The following CYSLTR1 variants were observed in gnomAD, a reference collection of about 807,000 sequenced individuals.
CYSLTR1 encodes the protein cysteinyl leukotriene receptor 1.
Under a neutral mutation model 2.1 loss-of-function variants are expected in CYSLTR1, and 1 was observed. That is an observed-to-expected ratio of 0.48 (90% confidence interval 0.17 to 2.28). The LOEUF (loss-of-function observed/expected upper bound fraction) is 2.28, where lower values mean the gene tolerates loss of function less well. Among genes scored for constraint, CYSLTR1 ranks in the 30% most tolerant of loss-of-function variants. CYSLTR1 has a pLI of 0.26. For missense variants in CYSLTR1, 299 were observed against 250.1 expected, an observed-to-expected ratio of 1.20 and a Z score of -1.32; for synonymous variants, 110 against 89.6, an observed-to-expected ratio of 1.23 and a Z score of -1.28.
At chrX:78,291,328 G>A (rs930149663) in intron 1 of CYSLTR1, among the ~76,000 whole-genome samples, 1 of 111,876 alleles carries the variant, frequency 8.9e-6, no homozygotes, top group African/African-American at 3.2e-5. Flanking sequence ...TGGTGGATAA[G>A]CTTTTTGATG....
At chrX:78,284,487 G>A (rs771724271) in intron 1 of CYSLTR1, among the ~76,000 whole-genome samples, 1 of 111,156 alleles carries the variant, frequency 9.0e-6, no homozygotes, top group Non-Finnish European at 1.9e-5. Context: ...TCTGACCTCC[G>A]CCTCCCGGGT....
intron 1 of CYSLTR1, among the ~76,000 whole-genome samples, chrX:78,294,999 C>T (rs1329048642): frequency 8.9e-6 from 1 of 112,217 alleles, no homozygotes; most frequent in African/African-American, 3.2e-5. Context: ...CACTGTCCAA[C>T]AAGTCCCAAT....
chrX:78,274,111 T>G (rs1419264254), intron 2 of CYSLTR1, among the ~76,000 whole-genome samples: 1 of 111,760 alleles, frequency 8.9e-6, no homozygotes, highest in Non-Finnish European at 1.9e-5. Flanking sequence ...AACTTGTTTT[T>G]CTATTAGAGA....
chrX:78,319,241 T>C (rs774679561), intron 1 of CYSLTR1: 3 of 104,907 alleles, frequency 2.9e-5, no homozygotes, highest in Admixed American at 1.0e-4. Context: ...ATTAGGTATA[T>C]CTCTTAATGC....
At chrX:78,284,621 G>A (rs1389263967) in intron 1 of CYSLTR1, among the ~76,000 whole-genome samples, 1 of 109,309 alleles carries the variant, frequency 9.1e-6, no homozygotes, top group African/African-American at 3.3e-5. Context: ...GGCTGGTCTC[G>A]AACTCCCCGA....
rs923254830 is a variant in CYSLTR1, at chrX:78,272,395, A to G, written c.*338T>C. ...TAGCTTGCATGTATTTTTATTGACT[A>G]ATTTTATATATTTTATCGTTTGTAA... On this transcript the variant is annotated 3_prime_UTR_variant, in exon 3 of 3. Coordinates refer to ENST00000373304, the MANE Select transcript of CYSLTR1 (RefSeq NM_006639.4). 1.5e-5 allele frequency: 2 copies of G among 131,253 alleles called. No individual in the cohort carries two copies. The highest frequency in any genetic ancestry group is 6.3e-5 in the African/African-American group (2 of 31,696). The allele number at this position is 131,253 out of a possible 1,213,427, so 10.8% of individuals were successfully genotyped here.
intron 1 of CYSLTR1, among the ~76,000 whole-genome samples, chrX:78,291,913 A>T (rs1184053134): frequency 9.1e-6 from 1 of 109,863 alleles, no homozygotes; most frequent in Admixed American, 9.7e-5. Flanking sequence ...TCAAAAAAAA[A>T]AACAGCTCCT....
chrX:78,285,487 G>T (rs1327510721), intron 1 of CYSLTR1, among the ~76,000 whole-genome samples: 1 of 110,288 alleles, frequency 9.1e-6, no homozygotes, highest in Non-Finnish European at 1.9e-5. Context: ...CATCTGTGCA[G>T]AAAATTAACT....
chrX:78,296,630 G>T (rs1399436613), intron 1 of CYSLTR1, among the ~76,000 whole-genome samples: 4 of 110,697 alleles, frequency 3.6e-5, no homozygotes, highest in Non-Finnish European at 7.6e-5. Context: ...TTAATTCCTA[G>T]GTATTTAATT....
chrX:78,316,296 G>T (rs982625265), intron 1 of CYSLTR1, among the ~76,000 whole-genome samples: 1 of 112,070 alleles, frequency 8.9e-6, no homozygotes, highest in Non-Finnish European at 1.9e-5. Flanking sequence ...GGTGTAAGAA[G>T]TTTCCAACTG....
chrX:78,292,923 T>C (rs1922415635), intron 1 of CYSLTR1, among the ~76,000 whole-genome samples: 2 of 110,730 alleles, frequency 1.8e-5, no homozygotes, highest in Admixed American at 1.9e-4. Context: ...GTCTTGACTG[T>C]TTATCCAATT....
At chrX:78,288,850 C>G (rs1176565901) in intron 1 of CYSLTR1, among the ~76,000 whole-genome samples, 2 of 111,457 alleles carry the variant, frequency 1.8e-5, no homozygotes, top group Non-Finnish European at 3.8e-5. Context: ...CCATCCCCAC[C>G]TCCTCTCACT....
chrX:78,301,576 A>G (rs1272381434), intron 1 of CYSLTR1, among the ~76,000 whole-genome samples: 5 of 111,905 alleles, frequency 4.5e-5, no homozygotes, highest in African/African-American at 6.5e-5. Flanking sequence ...ATCTGAGACC[A>G]CCTCAGCTTG....
chrX:78,303,145 C>T (rs1344417843), intron 1 of CYSLTR1, among the ~76,000 whole-genome samples: 2 of 111,623 alleles, frequency 1.8e-5, no homozygotes, highest in Non-Finnish European at 3.8e-5. Context: ...GTTTAAATGC[C>T]CCCTCCATGG....
At chrX:78,321,058 C>G (rs1425045775) in intron 1 of CYSLTR1, 3 of 109,723 alleles carry the variant, frequency 2.7e-5, no homozygotes, top group Non-Finnish European at 5.7e-5. Flanking sequence ...TGAAGAGTAA[C>G]TTTGTGGTCT....
intron 2 of CYSLTR1, among the ~76,000 whole-genome samples, chrX:78,275,434 G>A (rs776820270): frequency 2.0e-4 from 22 of 111,181 alleles, no homozygotes; most frequent in Non-Finnish European, 3.4e-4. Flanking sequence ...TTGTAGGGAC[G>A]TGGATGAAAC....
chrX:78,285,057 A>G (rs1922002309), intron 1 of CYSLTR1, among the ~76,000 whole-genome samples: 1 of 109,300 alleles, frequency 9.1e-6, no homozygotes, highest in Admixed American at 9.8e-5. Context: ...CAGGCAATAA[A>G]CATATTTTTT....
intron 1 of CYSLTR1, among the ~76,000 whole-genome samples, chrX:78,310,798 C>T (rs1923187992): frequency 9.0e-6 from 1 of 110,641 alleles, no homozygotes; most frequent in Non-Finnish European, 1.9e-5. Flanking sequence ...AGTAGCCTGG[C>T]ATATTTAAGG....
In CYSLTR1 at chrX:78,272,885, AATTGGATGCAGCC is replaced by A. The variant is rs1316140443; in HGVS notation, c.849_861del (p.Ala284ValfsTer30). On this transcript the variant is annotated frameshift_variant, in exon 3 of 3. Transcript: ENST00000373304. LOFTEE classifies it high-confidence loss of function. ...AAATATAGGAGAGGGTCAAAGCAACAATTGGATGCAGCCAGAGACAAGGTTATGACCACGGACT... is the reference window on the plus strand; with the variant it reads ...AAATATAGGAGAGGGTCAAAGCAACAAGAGACAAGGTTATGACCACGGACT... The A allele has an allele frequency of 8.3e-7, 1 of 1,209,373 alleles. No homozygotes were observed. Among genetic ancestry groups the A allele is most frequent in the Non-Finnish European group, 1.1e-6 (1 of 895,157 alleles).
Sources: gnomAD v4.1 joint callset for allele counts (sites outside exome capture counted in the v4.1 genomes callset) on GRCh38, gnomAD v4.1.1 for gene constraint, MANE v1.5 for transcripts, NCBI Gene and HGNC (gene_info 2026-07-23, HGNC 2026-07-21) for gene names.